The following C5orf15 variants were observed in gnomAD, a reference collection of about 807,000 sequenced individuals.
The protein encoded by C5orf15 is chromosome 5 open reading frame 15.
C5orf15 carries 10 observed loss-of-function variants against 17.8 expected under a neutral mutation model. That is an observed-to-expected ratio of 0.56 (90% CI 0.35 to 0.95). C5orf15 has a LOEUF of 0.95. Ranked by LOEUF, C5orf15 falls within the 40% of genes least tolerant of loss-of-function variation. The probability of loss-of-function intolerance (pLI) is 0.02; values close to 1 mark genes in which losing one functional copy is unlikely to be tolerated. For missense variants in C5orf15, 319 were observed against 331.7 expected (o/e 0.96, Z 0.30); for synonymous variants, 124 against 131.0 (o/e 0.95, Z 0.36).
chr5:133,960,630 G>C (rs1752110351), intron 1 of C5orf15, among the ~76,000 whole-genome samples: 1 of 152,158 alleles, frequency 6.6e-6, no homozygotes, highest in African/African-American at 2.4e-5. Flanking sequence ...TTCTAAAGGA[G>C]AAGCATCCGA....
In C5orf15 at chr5:133,956,965, T is replaced by C. The variant is rs1752050956; in HGVS notation, c.692A>G (p.Lys231Arg). Residue 231 changes from lysine (K) to arginine (R), a missense_variant, in exon 3 of 3, where the codon AAA (lysine) becomes AGA (arginine). Lys to Arg is a conservative substitution (Grantham distance 26). This residue lies in a region of C5orf15 where 175 missense variants were observed against 192.4 expected (regional missense o/e 0.91). Transcript: ENST00000231512. ...RKIFLLVQSR[K>R]WRDGLCSKTV... ...TTTGGAACAAAGGCCATCACGCCAT[T>C]TCCTGCTTTGAACCAGAAGAAAAAT... 7.4e-6 allele frequency: 12 copies of C among 1,610,846 alleles called. No individual in the cohort carries two copies. The highest frequency in any genetic ancestry group is 1.0e-5 in the Non-Finnish European group (12 of 1,179,144).
chr5:133,959,042 A>G (rs1752079804), intron 2 of C5orf15, among the ~76,000 whole-genome samples: 1 of 151,988 alleles, frequency 6.6e-6, no homozygotes, highest in South Asian at 2.1e-4. Flanking sequence ...ACATCTCAAT[A>G]TTTTACTATG....
chr5:133,958,597 A>C (rs1482930885), intron 2 of C5orf15, among the ~76,000 whole-genome samples: 31 of 148,780 alleles, frequency 2.1e-4, no homozygotes, highest in Admixed American at 1.3e-3. Flanking sequence ...AAAAAAAAAA[A>C]AAAAAAACTC....
intron 1 of C5orf15, among the ~76,000 whole-genome samples, chr5:133,967,925 A>G (rs1396298095): frequency 6.6e-6 from 1 of 151,830 alleles, no homozygotes; most frequent in Non-Finnish European, 1.5e-5. Flanking sequence ...CTCGGTCTTT[A>G]CCACTGACCT....
Position 133,959,960 on chromosome 5 carries a change from T to G in C5orf15, c.200A>C (p.Asn67Thr), listed in dbSNP as rs750979160. Residue 67 changes from asparagine (N) to threonine (T), a missense_variant, in exon 2 of 3, where the codon AAT (asparagine) becomes ACT (threonine). Asn to Thr is a moderately conservative substitution (Grantham distance 65). Transcript: ENST00000231512. ...GTTTTCATGTGTTAAAGCATTCACA[T>G]TTGGGGTAGAAATATGTGAGTTGAG... ...TVLNSHISTP[N>T]VNALTHENQT... is the part of the protein sequence containing the mutation. The G allele has an allele frequency of 6.2e-7, 1 of 1,614,104 alleles. No homozygotes were observed. The highest frequency in any genetic ancestry group is 2.2e-5 in the East Asian group (1 of 44,884).
At chr5:133,967,939 C>A (rs1405118477) in intron 1 of C5orf15, among the ~76,000 whole-genome samples, 1 of 151,988 alleles carries the variant, frequency 6.6e-6, no homozygotes, top group Admixed American at 6.5e-5. Context: ...CTGACCTCTC[C>A]CATTCTGGAA....
chr5:133,957,372 A>C (rs942322251), intron 2 of C5orf15, among the ~76,000 whole-genome samples: 3 of 152,080 alleles, frequency 2.0e-5, no homozygotes, highest in Non-Finnish European at 2.9e-5. Flanking sequence ...CAAAAAAAAA[A>C]AAAAACAAAA....
chr5:133,959,404 CAAA>C (rs397999300), intron 2 of C5orf15, 87 bp downstream of exon 2: 1,243 of 124,098 alleles, frequency 0.01, no homozygotes, highest in South Asian at 0.02. Flanking sequence ...CTTTTTTTTG[CAAA>C]AAAAAAAAAA....
Position 133,956,251 on chromosome 5 carries a change from C to T in C5orf15, c.*608G>A, listed in dbSNP as rs886767524. 1.3e-5 allele frequency: 2 copies of T among 152,570 alleles called. No individual in the cohort carries two copies. Among genetic ancestry groups the T allele is most frequent in the African/African-American group, 4.8e-5 (2 of 41,404 alleles). 9.5% of individuals were successfully genotyped at this position (152,570 alleles called of 1,614,324 possible). On this transcript the variant is annotated 3_prime_UTR_variant, in exon 3 of 3. Coordinates refer to ENST00000231512, the MANE Select transcript of C5orf15 (RefSeq NM_020199.3). ...ATCTCTGTAACATTTTATCTATGTCCACTGCAAGCTGCAGAGTCTCTGTTG... is the reference window on the plus strand; with the variant it reads ...ATCTCTGTAACATTTTATCTATGTCTACTGCAAGCTGCAGAGTCTCTGTTG...
At chr5:133,959,430 AACCATGAATCATC>A in intron 2 of C5orf15, 51 bp downstream of exon 2, 3 of 634,758 alleles carry the variant, frequency 4.7e-6, no homozygotes, top group South Asian at 3.6e-5. Flanking sequence ...AAAAAAAAAG[AACCATGAATCATC>A]AAAAGCATTA....
At chr5:133,960,492 C>T (rs925885732) in intron 1 of C5orf15, among the ~76,000 whole-genome samples, 4 of 152,116 alleles carry the variant, frequency 2.6e-5, no homozygotes, top group Non-Finnish European at 5.9e-5. Context: ...ATACTTTCAA[C>T]ACAACATAAC....
intron 1 of C5orf15, 94 bp from the exon 2 acceptor site, chr5:133,960,114 C>G (rs1752102337): frequency 9.6e-7 from 1 of 1,039,088 alleles, no homozygotes; most frequent in African/African-American, 1.6e-5. Context: ...AAGCATTTCT[C>G]TCTGCTACAT....
In C5orf15 at chr5:133,959,664, C is replaced by G. The variant is rs1752090160; in HGVS notation, c.496G>C (p.Asp166His). Residue 166 changes from aspartate (D) to histidine (H), a missense_variant, in exon 2 of 3, where the codon GAT becomes CAT. By Grantham distance (81) the Asp-to-His change is moderately conservative. This residue lies in a region of C5orf15 where 175 missense variants were observed against 192.4 expected (regional missense o/e 0.91). Coordinates refer to ENST00000231512, the MANE Select transcript of C5orf15 (RefSeq NM_020199.3). Reference protein sequence around the residue: ...TTGPRDDDESDDTLEENRGYM... With the variant: ...TTGPRDDDESHDTLEENRGYM... ...CCCCTGTTTTCTTCCAAGGTGTCATCAGACTCGTCGTCGTCCCTGGGGCCC... is the reference window on the plus strand; with the variant it reads ...CCCCTGTTTTCTTCCAAGGTGTCATGAGACTCGTCGTCGTCCCTGGGGCCC... The G allele has an allele frequency of 6.2e-7, 1 of 1,613,598 alleles. No homozygotes were observed. The highest frequency in any genetic ancestry group is 8.5e-7 in the Non-Finnish European group (1 of 1,179,856).
chr5:133,959,457 CTGAAA>C (rs756152419), intron 2 of C5orf15, 32 bp downstream of exon 2: 12 of 505,580 alleles, frequency 2.4e-5, no homozygotes, highest in African/African-American at 2.1e-4. Flanking sequence ...AGCATTATGA[CTGAAA>C]TAATAAAGGG....
At chr5:133,966,331 C>T (rs911877121) in intron 1 of C5orf15, among the ~76,000 whole-genome samples, 5 of 151,908 alleles carry the variant, frequency 3.3e-5, no homozygotes, top group African/African-American at 7.3e-5. Context: ...CAGAGGACCC[C>T]GAGAACTCAT....
chr5:133,964,331 A>T (rs769093495), intron 1 of C5orf15, among the ~76,000 whole-genome samples: 7 of 152,218 alleles, frequency 4.6e-5, no homozygotes, highest in Non-Finnish European at 8.8e-5. Flanking sequence ...TACATACTGT[A>T]TTATTCCATT....
At chr5:133,961,453 G>A (rs984387387) in intron 1 of C5orf15, among the ~76,000 whole-genome samples, 2 of 151,274 alleles carry the variant, frequency 1.3e-5, no homozygotes, top group African/African-American at 4.9e-5. Flanking sequence ...GGCTGAGGCA[G>A]GACAATGGCG....
rs535402415 is a variant in C5orf15 at position 133,955,601 on chromosome 5, G to A, written c.*1258C>T. ...ATGAAAAAAATTACTGCAATAAAACGGTTCAGGGGTATTTCCATTGTGCTT... is the reference window on the plus strand; with the variant it reads ...ATGAAAAAAATTACTGCAATAAAACAGTTCAGGGGTATTTCCATTGTGCTT... On this transcript the variant is annotated 3_prime_UTR_variant, in exon 3 of 3. Transcript: ENST00000231512. The A allele has an allele frequency of 1.5e-4, 23 of 152,666 alleles. No homozygotes were observed. The highest frequency in any genetic ancestry group is 4.6e-4 in the African/African-American group (19 of 41,540). 9.5% of individuals were successfully genotyped at this position (152,666 alleles called of 1,614,324 possible). A position where few individuals can be genotyped will look rare whatever the true frequency, so the allele number is the denominator to read the frequency against.
Position 133,956,989 on chromosome 5 carries a change from A to G in C5orf15, c.668T>C (p.Ile223Thr), listed in dbSNP as rs777436502. The G allele has an allele frequency of 1.4e-5, 23 of 1,607,544 alleles. No individual in the cohort carries two copies. In the South Asian group the frequency reaches 2.0e-4, roughly 14 times the overall value. ...TTTCCTGCTTTGAACCAGAAGAAAA[A>G]TCTGGAAAACAGAAGTCATTAAATA... ...VYITYHNKRK[I>T]FLLVQSRKWR... Residue 223 changes from isoleucine (I) to threonine (T), a missense_variant and splice_region_variant, in exon 3 of 3, where the codon ATT becomes ACT. Physicochemically the swap from Ile to Thr is moderately conservative, Grantham distance 89. Transcript: ENST00000231512.
Sources: gnomAD v4.1 joint callset for allele counts (sites outside exome capture counted in the v4.1 genomes callset) on GRCh38, gnomAD v4.1.1 for gene constraint, gnomAD v4.1.1 regional missense constraint, MANE v1.5 for transcripts, NCBI Gene and HGNC (gene_info 2026-07-23, HGNC 2026-07-21) for gene names.